ARHGAP6: variants seen among roughly 807,000 people sequenced by gnomAD.
ARHGAP6 encodes rho GTPase-activating protein 6.
Under a neutral mutation model 55.7 loss-of-function variants are expected in ARHGAP6, and 16 were observed. The ratio of observed to expected loss-of-function variants is 0.29; its 90% CI spans 0.19 to 0.44. ARHGAP6 has a LOEUF of 0.44. ARHGAP6 is among the 20% of genes least tolerant of loss of function. ARHGAP6 has a pLI of 1.00. For synonymous variants in ARHGAP6, 382 were observed against 360.9 expected (o/e 1.06, Z -0.66); for missense variants, 698 against 808.9 (o/e 0.86, Z 1.66).
chrX:11,440,334 C>A (rs1448306469), intron 1 of ARHGAP6, among the ~76,000 whole-genome samples: 1 of 112,365 alleles, frequency 8.9e-6, no homozygotes, highest in African/African-American at 3.2e-5. Flanking sequence ...GCACTTACTA[C>A]AGTACACATA....
At chrX:11,305,310 G>A (rs1388731245) in intron 1 of ARHGAP6, among the ~76,000 whole-genome samples, 1 of 111,895 alleles carries the variant, frequency 8.9e-6, no homozygotes, top group Non-Finnish European at 1.9e-5. Context: ...TAAAAGCCCA[G>A]ATTTCACCAC....
chrX:11,543,171 T>C (rs969066504), intron 1 of ARHGAP6, among the ~76,000 whole-genome samples: 2 of 112,434 alleles, frequency 1.8e-5, no homozygotes, highest in African/African-American at 6.5e-5. Flanking sequence ...GAAGGAAATT[T>C]AGATGGGGAT....
chrX:11,606,895 CCCA>C (rs1357750294), intron 1 of ARHGAP6, among the ~76,000 whole-genome samples: 3 of 111,798 alleles, frequency 2.7e-5, no homozygotes, highest in Non-Finnish European at 1.9e-5. Context: ...GATTACAAAT[CCCA>C]CGTTACAAAA....
chrX:11,169,090 G>A (rs757224751), intron 9 of ARHGAP6: 1 of 117,130 alleles, frequency 8.5e-6, no homozygotes, highest in Non-Finnish European at 1.7e-5. Context: ...GGAAGGAGAG[G>A]TGAAGCTTCA....
At chrX:11,359,066 T>C (rs1333703020) in intron 1 of ARHGAP6, among the ~76,000 whole-genome samples, 1 of 112,214 alleles carries the variant, frequency 8.9e-6, no homozygotes, top group East Asian at 2.8e-4. Context: ...CCCCATTCAT[T>C]AATAACTCTT....
At chrX:11,389,435 A>G (rs954956050) in intron 1 of ARHGAP6, among the ~76,000 whole-genome samples, 3 of 112,504 alleles carry the variant, frequency 2.7e-5, no homozygotes, top group Non-Finnish European at 5.6e-5. Context: ...GTTTACCACA[A>G]TGAGAGATCA....
chrX:11,244,677 T>A (rs1238501475), intron 2 of ARHGAP6, among the ~76,000 whole-genome samples: 1 of 112,298 alleles, frequency 8.9e-6, no homozygotes, highest in Non-Finnish European at 1.9e-5. Context: ...ATTATCAAGT[T>A]TATTTTGGGC....
chrX:11,448,596 G>A (rs751174594), intron 1 of ARHGAP6, among the ~76,000 whole-genome samples: 1 of 111,533 alleles, frequency 9.0e-6, no homozygotes, highest in Admixed American at 9.6e-5. Flanking sequence ...GAACCAGCAC[G>A]ATTTCTGGGA....
chrX:11,264,949 A>G (rs1012507437), intron 1 of ARHGAP6, among the ~76,000 whole-genome samples: 12 of 112,658 alleles, frequency 1.1e-4, no homozygotes, highest in African/African-American at 3.9e-4. Flanking sequence ...AAGAGCACAC[A>G]CCAATTAAGT....
intron 1 of ARHGAP6, among the ~76,000 whole-genome samples, chrX:11,513,622 GTC>G (rs1447506037): frequency 9.0e-6 from 1 of 110,838 alleles, no homozygotes; most frequent in East Asian, 2.9e-4. Flanking sequence ...TATTTGTCCA[GTC>G]TCTCCCAGTA....
chrX:11,468,978 G>A (rs897747595), intron 1 of ARHGAP6, among the ~76,000 whole-genome samples: 2 of 112,410 alleles, frequency 1.8e-5, no homozygotes, highest in Non-Finnish European at 3.8e-5. Context: ...AAACATGAGA[G>A]AGATGATCAT....
At chrX:11,486,941 A>G (rs2050516981) in intron 1 of ARHGAP6, among the ~76,000 whole-genome samples, 1 of 111,740 alleles carries the variant, frequency 8.9e-6, no homozygotes. Flanking sequence ...GCATCCGTGT[A>G]GGGATGTGGA....
In ARHGAP6 at chrX:11,393,382, T is replaced by C. The variant is rs1284351510; in HGVS notation, c.589-138675A>G. Among the ~76,000 whole-genome samples, 4 of 111,463 alleles carry C rather than the reference T, an allele frequency of 3.6e-5. No individual in the cohort carries two copies. In the East Asian group the frequency reaches 1.1e-3, roughly 31 times the overall value. ...AATGATAATAATAATATAACTAACA[T>C]TTGTTGAGTGTAGTAAAGGCCACAC... On this transcript the variant is annotated intron_variant, in intron 1 of 12. Coordinates refer to ENST00000337414, the MANE Select transcript of ARHGAP6 (RefSeq NM_013427.3).
intron 10 of ARHGAP6, among the ~76,000 whole-genome samples, chrX:11,150,122 C>G (rs953876050): frequency 1.8e-5 from 2 of 111,678 alleles, no homozygotes; most frequent in Non-Finnish European, 3.8e-5. Flanking sequence ...AGGGAAGATA[C>G]TTTACTTAGC....
intron 1 of ARHGAP6, among the ~76,000 whole-genome samples, chrX:11,402,753 C>T (rs142286610): frequency 8.9e-6 from 1 of 112,072 alleles, no homozygotes; most frequent in African/African-American, 3.2e-5. Flanking sequence ...AGCTCTGTTA[C>T]ATAAAGCATT....
At chrX:11,271,765 C>T (rs781310534) in intron 1 of ARHGAP6, among the ~76,000 whole-genome samples, 11 of 111,565 alleles carry the variant, frequency 9.9e-5, no homozygotes, top group Admixed American at 1.9e-4. Flanking sequence ...TTTTTAGTTG[C>T]AGTCTGGTAG....
chrX:11,362,404 A>G (rs866020400), intron 1 of ARHGAP6, among the ~76,000 whole-genome samples: 1 of 110,064 alleles, frequency 9.1e-6, no homozygotes, highest in Non-Finnish European at 1.9e-5. Context: ...CTATCGCAAG[A>G]ACAAAAAACC....
chrX:11,616,904 C>T (rs2052172374), intron 1 of ARHGAP6, among the ~76,000 whole-genome samples: 1 of 111,849 alleles, frequency 8.9e-6, no homozygotes, highest in African/African-American at 3.3e-5. Context: ...AATGTCAATA[C>T]TGCCAGTGTT....
At chrX:11,400,523 A>G (rs1008593938) in intron 1 of ARHGAP6, among the ~76,000 whole-genome samples, 4 of 100,034 alleles carry the variant, frequency 4.0e-5, no homozygotes, top group Non-Finnish European at 6.0e-5. Context: ...CCCCCTGGCT[A>G]AAAGCACTGT....
Sources: allele counts gnomAD v4.1 joint callset (sites outside exome capture counted in the v4.1 genomes callset), GRCh38; gene constraint gnomAD v4.1.1; transcripts MANE v1.5; gene names NCBI Gene and HGNC (gene_info 2026-07-23, HGNC 2026-07-21).